Variants in SPIDR observed in about 807,000 individuals in gnomAD.
SPIDR encodes DNA repair-scaffolding protein.
A neutral mutation model predicts 104.6 loss-of-function variants in SPIDR; 93 were observed. The observed-to-expected ratio is 0.89, with a 90% CI of 0.75 to 1.06. The LOEUF (loss-of-function observed/expected upper bound fraction) is 1.06. Among genes scored for constraint, SPIDR ranks in the 50% least tolerant of loss-of-function variants. The probability of loss-of-function intolerance (pLI) is 0.00; values close to 1 mark genes in which losing one functional copy is unlikely to be tolerated. For synonymous variants in SPIDR, 431 were observed against 416.9 expected (o/e 1.03, Z -0.41); for missense variants, 1,154 against 1,111.2 (o/e 1.04, Z -0.55).
intron 5 of SPIDR, among the ~76,000 whole-genome samples, chr8:47,383,671 G>A (rs1318640881): frequency 4.6e-5 from 7 of 152,108 alleles, no homozygotes; most frequent in African/African-American, 1.7e-4. Context: ...ACTGCTGATG[G>A]TTCTGTTGAT....
rs1171012398 is a variant in SPIDR at position 47,692,487 on chromosome 8, C to CTTT, written c.1686-7895_1686-7893dup. ...ATGATGTAACATGTATCAGAATTTC[C>CTTT]TTTTTTTTTTTTTTTTTTTTTTTCT... is the stretch of plus-strand genomic sequence containing the variant. On this transcript the variant is annotated intron_variant, in intron 11 of 19. Coordinates refer to ENST00000297423, the MANE Select transcript of SPIDR (RefSeq NM_001080394.4). Among the ~76,000 whole-genome samples, 607 of 119,270 alleles carry CTTT rather than the reference C, an allele frequency of 5.1e-3. 13 individuals are homozygous for CTTT. The highest frequency in any genetic ancestry group is 0.018 in the African/African-American group (556 of 31,070). 78.2% of individuals were successfully genotyped at this position (119,270 alleles called of 152,430 possible). A position where few individuals can be genotyped will look rare whatever the true frequency, so the allele number is the denominator to read the frequency against.
At chr8:47,319,224 A>G (rs2046017061) in intron 5 of SPIDR, among the ~76,000 whole-genome samples, 1 of 152,186 alleles carries the variant, frequency 6.6e-6, no homozygotes, top group South Asian at 2.1e-4. Context: ...AGACACACAC[A>G]GGCTCAAAAT....
intron 7 of SPIDR, among the ~76,000 whole-genome samples, chr8:47,414,357 G>A (rs1406717004): frequency 6.6e-6 from 1 of 152,132 alleles, no homozygotes; most frequent in East Asian, 1.9e-4. Flanking sequence ...GGAGAAAAAG[G>A]TGATTTTTTT....
chr8:47,320,573 G>C (rs1274900979), intron 5 of SPIDR, among the ~76,000 whole-genome samples: 2 of 152,184 alleles, frequency 1.3e-5, no homozygotes, highest in Non-Finnish European at 2.9e-5. Context: ...TAGAAAAAGA[G>C]GGAATCCTCC....
At chr8:47,659,935 G>T (rs1259030081) in intron 10 of SPIDR, among the ~76,000 whole-genome samples, 2 of 152,148 alleles carry the variant, frequency 1.3e-5, no homozygotes, top group African/African-American at 2.4e-5. Flanking sequence ...CATAACTCAC[G>T]TAAACATCCC....
intron 10 of SPIDR, among the ~76,000 whole-genome samples, chr8:47,662,801 C>A (rs1010897288): frequency 6.6e-6 from 1 of 152,136 alleles, no homozygotes; most frequent in African/African-American, 2.4e-5. Context: ...GGGGGTGGGG[C>A]CTTTGGGATT....
At chr8:47,312,438 T>C (rs1194713410) in intron 5 of SPIDR, among the ~76,000 whole-genome samples, 1 of 152,228 alleles carries the variant, frequency 6.6e-6, no homozygotes, top group Non-Finnish European at 1.5e-5. Flanking sequence ...GGTATCTCAT[T>C]ATGGTTTTGA....
intron 5 of SPIDR, among the ~76,000 whole-genome samples, chr8:47,316,403 A>T (rs1432420158): frequency 1.3e-5 from 2 of 152,188 alleles, no homozygotes; most frequent in African/African-American, 2.4e-5. Flanking sequence ...AAGAAAACAC[A>T]TCTACAAGAT....
intron 11 of SPIDR, among the ~76,000 whole-genome samples, chr8:47,693,362 G>A (rs2154480185): frequency 6.6e-6 from 1 of 152,334 alleles, no homozygotes. Flanking sequence ...AGAAGCCATG[G>A]GTTTCTTACA....
chr8:47,306,780 G>A (rs2043159038), intron 5 of SPIDR, among the ~76,000 whole-genome samples: 1 of 152,042 alleles, frequency 6.6e-6, no homozygotes, highest in Non-Finnish European at 1.5e-5. Context: ...TCTTTTAATT[G>A]GTGCATAAAT....
chr8:47,544,574 T>A (rs2088888159), intron 8 of SPIDR, among the ~76,000 whole-genome samples: 1 of 152,242 alleles, frequency 6.6e-6, no homozygotes, highest in Admixed American at 6.5e-5. Flanking sequence ...TGCCTGTGGG[T>A]GTCCAATTTC....
intron 8 of SPIDR, among the ~76,000 whole-genome samples, chr8:47,510,558 TAAATAGAATGGGG>T (rs1251717998): frequency 1.3e-5 from 2 of 151,462 alleles, no homozygotes; most frequent in African/African-American, 4.9e-5. Context: ...CATAATATAT[TAAATAGAATGGGG>T]AAATATTCAG....
intron 8 of SPIDR, among the ~76,000 whole-genome samples, chr8:47,488,754 A>T (rs1260709577): frequency 6.6e-6 from 1 of 152,222 alleles, no homozygotes; most frequent in Non-Finnish European, 1.5e-5. Context: ...CAAAAACCAC[A>T]TGATTATCTT....
chr8:47,319,965 T>C (rs1410893044), intron 5 of SPIDR, among the ~76,000 whole-genome samples: 6 of 151,694 alleles, frequency 4.0e-5, no homozygotes, highest in Non-Finnish European at 7.4e-5. Context: ...GAGGGAAATT[T>C]ATAGCACTAA....
intron 8 of SPIDR, among the ~76,000 whole-genome samples, chr8:47,570,883 G>C (rs1338874583): frequency 6.6e-6 from 1 of 152,142 alleles, no homozygotes; most frequent in Non-Finnish European, 1.5e-5. Flanking sequence ...ACAAGGTCAG[G>C]AGTTCGAAAC....
At chr8:47,719,217 G>A (rs1024175875) in intron 16 of SPIDR, among the ~76,000 whole-genome samples, 2 of 152,122 alleles carry the variant, frequency 1.3e-5, no homozygotes, top group Non-Finnish European at 2.9e-5. Context: ...TAGAAACGAT[G>A]TAAGTACCAG....
chr8:47,515,013 TCTTTA>T (rs977578579), intron 8 of SPIDR, among the ~76,000 whole-genome samples: 4 of 152,194 alleles, frequency 2.6e-5, no homozygotes, highest in African/African-American at 9.7e-5. Flanking sequence ...TTTCCTGTTT[TCTTTA>T]AAGTTCAGCA....
At chr8:47,303,298 G>T (rs372525774) in intron 5 of SPIDR, among the ~76,000 whole-genome samples, 1 of 152,172 alleles carries the variant, frequency 6.6e-6, no homozygotes, top group African/African-American at 2.4e-5. Flanking sequence ...TTAGAAAAGC[G>T]CAGTATTAGG....
chr8:47,407,835 T>C (rs782449412), intron 6 of SPIDR, 26 bp from the exon 7 acceptor site: 43 of 1,440,808 alleles, frequency 3.0e-5, no homozygotes, highest in Admixed American at 2.5e-4. Context: ...TTAACTAAAC[T>C]TAATACATTA....
Sources: gnomAD v4.1 joint callset for allele counts (sites outside exome capture counted in the v4.1 genomes callset) on GRCh38, gnomAD v4.1.1 for gene constraint, MANE v1.5 for transcripts, NCBI Gene and HGNC (gene_info 2026-07-23, HGNC 2026-07-21) for gene names.